Variants in MSI2 observed in about 807,000 individuals in gnomAD.
The protein encoded by MSI2 is musashi RNA binding protein 2.
A neutral mutation model predicts 45.6 loss-of-function variants in MSI2; 17 were observed. That is an observed-to-expected ratio of 0.37 (90% confidence interval 0.26 to 0.56). MSI2 has a LOEUF of 0.56. Among genes scored for constraint, MSI2 ranks in the 20% least tolerant of loss-of-function variants. The pLI is 0.77. For missense variants in MSI2, 293 were observed against 444.2 expected (o/e 0.66, Z 3.06); for synonymous variants, 156 against 158.2 (o/e 0.99, Z 0.11).
At chr17:57,450,739 C>T (rs1196672075) in intron 6 of MSI2, among the ~76,000 whole-genome samples, 7 of 151,778 alleles carry the variant, frequency 4.6e-5, no homozygotes, top group Non-Finnish European at 1.5e-5. Flanking sequence ...TTCCGTCCCC[C>T]CTCCCCCCAC....
intron 6 of MSI2, among the ~76,000 whole-genome samples, chr17:57,506,050 C>G (rs916491563): frequency 5.3e-5 from 8 of 152,170 alleles, no homozygotes; most frequent in Admixed American, 5.2e-4. Flanking sequence ...ATGTAATACT[C>G]ATCTTATCTC....
At chr17:57,640,837 T>A (rs1471206172) in intron 10 of MSI2, among the ~76,000 whole-genome samples, 1 of 152,230 alleles carries the variant, frequency 6.6e-6, no homozygotes, top group African/African-American at 2.4e-5. Context: ...CCATGAAAAG[T>A]GCTCAGATGG....
intron 5 of MSI2, chr17:57,265,661 G>A (rs1437389817): frequency 6.6e-6 from 1 of 152,130 alleles, no homozygotes; most frequent in African/African-American, 2.4e-5. Context: ...GGAGACTAGA[G>A]GCTGTTAATT....
At chr17:57,460,019 C>T (rs775261463) in intron 6 of MSI2, among the ~76,000 whole-genome samples, 3 of 151,804 alleles carry the variant, frequency 2.0e-5, no homozygotes, top group Admixed American at 6.6e-5. Context: ...ATCTCAGCTA[C>T]TCGGGAGGCT....
At chr17:57,456,690 G>A (rs770918395) in intron 6 of MSI2, among the ~76,000 whole-genome samples, 1 of 152,176 alleles carries the variant, frequency 6.6e-6, no homozygotes, top group Non-Finnish European at 1.5e-5. Context: ...ACCAAGGGTT[G>A]TGCTCAGGGC....
chr17:57,366,245 G>A (rs890743941), intron 5 of MSI2, among the ~76,000 whole-genome samples: 11 of 152,152 alleles, frequency 7.2e-5, no homozygotes, highest in Admixed American at 3.3e-4. Flanking sequence ...TTCAGTTGGG[G>A]AAGTTGAGGT....
chr17:57,291,905 C>T (rs1394925234), intron 5 of MSI2, among the ~76,000 whole-genome samples: 1 of 152,106 alleles, frequency 6.6e-6, no homozygotes, highest in African/African-American at 2.4e-5. Context: ...TCATTCTCCC[C>T]CGCCATTCTA....
chr17:57,684,088 C>A lies in MSI2; in HGVS notation c.*4571C>A. 4.9e-6 allele frequency: 1 copy of A among 203,654 alleles called. No individual in the cohort carries two copies. Among genetic ancestry groups the A allele is most frequent in the Admixed American group, 6.0e-5 (1 of 16,774 alleles). The allele number at this position is 203,654 out of a possible 1,614,324, so 12.6% of individuals were successfully genotyped here. ...ATTGTCTCAGACAGGATTTCAGTTC[C>A]GGGAGGCAGGGGCATGATGGGGGAG... is the stretch of plus-strand genomic sequence containing the variant. On this transcript the variant is annotated 3_prime_UTR_variant, in exon 14 of 14. Transcript: ENST00000284073.
intron 7 of MSI2, among the ~76,000 whole-genome samples, chr17:57,564,486 A>G (rs1376130222): frequency 6.6e-6 from 1 of 152,154 alleles, no homozygotes; most frequent in Non-Finnish European, 1.5e-5. Flanking sequence ...CAGTAAGCAC[A>G]CGAGGTTGGG....
chr17:57,599,083 G>A (rs188628191), intron 8 of MSI2, among the ~76,000 whole-genome samples: 3 of 152,358 alleles, frequency 2.0e-5, no homozygotes, highest in Admixed American at 2.0e-4. Flanking sequence ...AGGCTGCTGG[G>A]CAGTGGGGAA....
chr17:57,567,072 A>G (rs1430793115), intron 7 of MSI2, among the ~76,000 whole-genome samples: 1 of 152,186 alleles, frequency 6.6e-6, no homozygotes. Context: ...GCTCGTTCTT[A>G]TTAATGGATG....
intron 10 of MSI2, among the ~76,000 whole-genome samples, chr17:57,647,368 G>A (rs954495033): frequency 1.4e-5 from 2 of 148,046 alleles, no homozygotes; most frequent in Non-Finnish European, 3.0e-5. Context: ...AGAATTGCTT[G>A]AACCCTGGAG....
chr17:57,575,448 C>T (rs562047849), intron 7 of MSI2, among the ~76,000 whole-genome samples: 5 of 152,276 alleles, frequency 3.3e-5, no homozygotes, highest in Non-Finnish European at 7.3e-5. Flanking sequence ...TCCAAGCTGC[C>T]GCAGCCTGGA....
At chr17:57,656,342 G>T (rs1008432640) in intron 11 of MSI2, among the ~76,000 whole-genome samples, 1 of 152,158 alleles carries the variant, frequency 6.6e-6, no homozygotes, top group Admixed American at 6.5e-5. Flanking sequence ...AGTCTTAAAG[G>T]TCTTCCTTGT....
At chr17:57,535,145 AAC>A (rs2086896059) in intron 7 of MSI2, among the ~76,000 whole-genome samples, 3 of 152,208 alleles carry the variant, frequency 2.0e-5, no homozygotes, top group Non-Finnish European at 4.4e-5. Flanking sequence ...GTGTCCCCAC[AAC>A]CTCAGCCCTG....
chr17:57,627,811 AG>A lies in MSI2; in HGVS notation c.727+512del. The A allele has an allele frequency of 6.1e-6, 1 of 164,096 alleles. No homozygotes were observed. Among genetic ancestry groups the A allele is most frequent in the Non-Finnish European group, 1.3e-5 (1 of 75,374 alleles). 10.2% of individuals were successfully genotyped at this position (164,096 alleles called of 1,614,324 possible). A position where few individuals can be genotyped will look rare whatever the true frequency, so the allele number is the denominator to read the frequency against. ...TGGGCTGTGTTGATGTTGAGCTGCTAGGGGTTGGGACTGCTGTCCATCCTGG... is the reference window on the plus strand; with the variant it reads ...TGGGCTGTGTTGATGTTGAGCTGCTAGGGTTGGGACTGCTGTCCATCCTGG... On this transcript the variant is annotated intron_variant, in intron 10 of 13. Coordinates refer to ENST00000284073, the MANE Select transcript of MSI2 (RefSeq NM_138962.4). This position sits in a 1 kb window ranked among gnomAD's most constrained non-coding sequence, Gnocchi z 4.6.
chr17:57,692,536 G>A, the MSI2 span, among the ~76,000 whole-genome samples: 2 of 152,014 alleles, frequency 1.3e-5, no homozygotes, highest in Non-Finnish European at 2.9e-5. Flanking sequence ...ATTTCTTTGT[G>A]TAAATCCAAG....
intron 8 of MSI2, among the ~76,000 whole-genome samples, chr17:57,602,927 A>G (rs1289975331): frequency 6.6e-6 from 1 of 152,214 alleles, no homozygotes; most frequent in Non-Finnish European, 1.5e-5. Flanking sequence ...GTGCACATTA[A>G]AGTCTGAGAA....
In MSI2 at chr17:57,576,739, C is replaced by T. The variant is rs932857066; in HGVS notation, c.455-20129C>T. On this transcript the variant is annotated intron_variant, in intron 7 of 13. Transcript: ENST00000284073. The stretch of plus-strand genomic sequence containing the variant: ...CTGCCCTCCAGCCTGGGTGACAGAG[C>T]GAGAATCTGTCTTTAAAAAAAAAAA... Among the ~76,000 whole-genome samples the T allele has an allele frequency of 7.2e-5, 9 of 124,158 alleles. No individual in the cohort carries two copies. In the South Asian group the frequency reaches 7.8e-4, roughly 11 times the overall value. The allele number at this position is 124,158 out of a possible 152,430, so 81.5% of individuals were successfully genotyped here.
Sources: allele counts gnomAD v4.1 joint callset (sites outside exome capture counted in the v4.1 genomes callset), GRCh38; gene constraint gnomAD v4.1.1; non-coding constraint Gnocchi (gnomAD v3.1); transcripts MANE v1.5; gene names NCBI Gene and HGNC (gene_info 2026-07-23, HGNC 2026-07-21).